The following NXPE2 variants were observed in gnomAD, a reference collection of about 807,000 sequenced individuals.
NXPE2 encodes the protein neurexophilin and PC-esterase domain family member 2, also known as NXPE family member 2.
A neutral mutation model predicts 34.4 loss-of-function variants in NXPE2; 34 were observed. The ratio of observed to expected loss-of-function variants is 0.99; its 90% CI spans 0.75 to 1.31. NXPE2 has a LOEUF of 1.31. Ranked by LOEUF, NXPE2 falls within the 40% of genes most tolerant of loss-of-function variation. The pLI is 0.00. For missense variants in NXPE2, 649 were observed against 672.5 expected (o/e 0.97, Z 0.39); for synonymous variants, 235 against 231.3 (o/e 1.02, Z -0.15).
At chr11:114,594,731 G>A in the NXPE2 span, 3 of 1,588,716 alleles carry the variant, frequency 1.9e-6, no homozygotes, top group African/African-American at 2.7e-5. Context: ...TGCCAATAGT[G>A]ACTTATAATT....
In NXPE2 at chr11:114,698,550, G is replaced by T; in HGVS notation, c.638G>T (p.Arg213Met). 6.2e-7 allele frequency: 1 copy of T among 1,614,142 alleles called. No individual in the cohort carries two copies. Among genetic ancestry groups the T allele is most frequent in the Non-Finnish European group, 8.5e-7 (1 of 1,180,000 alleles). ...LWRARNQGCD[R>M]IIFTGLFANR... ...AGGGCAAGGAACCAAGGATGTGATA[G>T]GATCATCTTCACTGGCCTGTTTGCC... is the stretch of plus-strand genomic sequence containing the variant. The change falls in exon 3 of 6, where the codon AGG (arginine) becomes ATG (methionine). Residue 213 changes from arginine (R) to methionine (M), a missense_variant. Coordinates refer to ENST00000389586, the MANE Select transcript of NXPE2 (RefSeq NM_182495.6).
At chr11:114,788,990 T>C in the NXPE2 span, among the ~76,000 whole-genome samples, 7 of 152,164 alleles carry the variant, frequency 4.6e-5, no homozygotes, top group Non-Finnish European at 1.0e-4. Context: ...TTTCCCTCAG[T>C]CTTTGCCAAT....
At chr11:114,510,182 A>G in the NXPE2 span, among the ~76,000 whole-genome samples, 7 of 152,334 alleles carry the variant, frequency 4.6e-5, no homozygotes, top group East Asian at 1.3e-3. Flanking sequence ...AGATAGAATG[A>G]ATACATTTTT....
chr11:114,709,795 G>A (rs888182061), downstream of NXPE2, among the ~76,000 whole-genome samples: 1 of 151,984 alleles, frequency 6.6e-6, no homozygotes, highest in Non-Finnish European at 1.5e-5. Context: ...CCAGCTACTC[G>A]GGAGGCTGAG....
At chr11:114,623,148 G>C in the NXPE2 span, among the ~76,000 whole-genome samples, 1 of 151,906 alleles carries the variant, frequency 6.6e-6, no homozygotes, top group African/African-American at 2.4e-5. Flanking sequence ...TTGCCTTGTG[G>C]GTAACCAGTG....
intron 2 of NXPE2, among the ~76,000 whole-genome samples, chr11:114,694,174 A>T (rs900814034): frequency 6.6e-6 from 1 of 152,106 alleles, no homozygotes; most frequent in African/African-American, 2.4e-5. Context: ...ATTACATTTG[A>T]CTCACCTGTA....
chr11:114,717,719 T>A, the NXPE2 span, among the ~76,000 whole-genome samples: 1 of 152,210 alleles, frequency 6.6e-6, no homozygotes, highest in Non-Finnish European at 1.5e-5. Flanking sequence ...ATCTTCCCAC[T>A]TCCCCCCACT....
At chr11:114,795,731 G>A in the NXPE2 span, among the ~76,000 whole-genome samples, 2 of 152,108 alleles carry the variant, frequency 1.3e-5, no homozygotes, top group Non-Finnish European at 2.9e-5. Context: ...TCTATCTCTG[G>A]CCACCATGCA....
the NXPE2 span, among the ~76,000 whole-genome samples, chr11:114,469,126 T>TTTTTG: frequency 7.0e-6 from 1 of 142,180 alleles, no homozygotes; most frequent in Non-Finnish European, 1.5e-5. Flanking sequence ...TTTTTTTTTT[T>TTTTTG]TTTTTTGAGC....
chr11:114,637,773 A>G, the NXPE2 span, among the ~76,000 whole-genome samples: 156 of 151,980 alleles, frequency 1.0e-3, 1 homozygote, highest in Admixed American at 8.4e-3. Flanking sequence ...CTTCTCTTTA[A>G]GAATGTTGAA....
the NXPE2 span, among the ~76,000 whole-genome samples, chr11:114,574,697 A>G: frequency 6.6e-6 from 1 of 152,060 alleles, no homozygotes; most frequent in African/African-American, 2.4e-5. Context: ...GATTGAAATG[A>G]TAGTTAAAAA....
the NXPE2 span, among the ~76,000 whole-genome samples, chr11:114,786,960 G>C: frequency 1.3e-5 from 2 of 152,150 alleles, no homozygotes; most frequent in Non-Finnish European, 2.9e-5. Context: ...CTGGTCTGGT[G>C]AGACTGCACT....
the NXPE2 span, among the ~76,000 whole-genome samples, chr11:114,525,861 T>A: frequency 6.6e-6 from 1 of 152,204 alleles, no homozygotes; most frequent in East Asian, 1.9e-4. Flanking sequence ...CTTTGGAAGT[T>A]AATCCACTGG....
At chr11:114,561,601 A>G in the NXPE2 span, among the ~76,000 whole-genome samples, 1 of 152,222 alleles carries the variant, frequency 6.6e-6, no homozygotes, top group East Asian at 1.9e-4. Flanking sequence ...CTATAGAATT[A>G]GGTGAAAAAT....
At chr11:114,482,835 T>G in the NXPE2 span, among the ~76,000 whole-genome samples, 8 of 152,222 alleles carry the variant, frequency 5.3e-5, no homozygotes, top group African/African-American at 1.9e-4. Flanking sequence ...ATAGGAGGTG[T>G]GGTTGCCTTG....
At chr11:114,609,289 C>T in the NXPE2 span, among the ~76,000 whole-genome samples, 55 of 150,834 alleles carry the variant, frequency 3.6e-4, 1 homozygote, top group Non-Finnish European at 4.3e-4. Context: ...CACTGTTACC[C>T]GGTGGATAAT....
At chr11:114,600,268 T>G in the NXPE2 span, among the ~76,000 whole-genome samples, 1 of 152,198 alleles carries the variant, frequency 6.6e-6, no homozygotes. Context: ...AAGACATATC[T>G]TGGTTGGCAA....
chr11:114,618,496 G>A, the NXPE2 span, among the ~76,000 whole-genome samples: 12 of 151,206 alleles, frequency 7.9e-5, no homozygotes, highest in East Asian at 2.0e-4. Context: ...GTGTTGCCTC[G>A]TAGGTAACCA....
At chr11:114,651,785 C>G in the NXPE2 span, among the ~76,000 whole-genome samples, 1 of 152,090 alleles carries the variant, frequency 6.6e-6, no homozygotes, top group Non-Finnish European at 1.5e-5. Context: ...GTTTACAAAC[C>G]TTTAGCTAGA....
Sources: allele counts gnomAD v4.1 joint callset (sites outside exome capture counted in the v4.1 genomes callset), GRCh38; gene constraint gnomAD v4.1.1; transcripts MANE v1.5; gene names NCBI Gene and HGNC (gene_info 2026-07-23, HGNC 2026-07-21).